RMDN3: variants seen among roughly 807,000 people sequenced by gnomAD.
RMDN3 encodes the protein regulator of microtubule dynamics protein 3.
Under a neutral mutation model 61.8 loss-of-function variants are expected in RMDN3, and 41 were observed. The observed-to-expected ratio is 0.66, with a 90% CI of 0.52 to 0.86. The LOEUF is 0.86. Among genes scored for constraint, RMDN3 ranks in the 40% least tolerant of loss-of-function variants. The pLI, the probability that RMDN3 is intolerant of heterozygous loss-of-function variation, is 0.00. For missense variants in RMDN3, 557 were observed against 585.3 expected (o/e 0.95, Z 0.50); for synonymous variants, 247 against 232.0 (o/e 1.06, Z -0.59).
In RMDN3 at chr15:40,751,986, C is replaced by A; in HGVS notation, c.380G>T (p.Arg127Leu). 1 of 1,613,102 alleles carries A rather than the reference C, an allele frequency of 6.2e-7. No homozygotes were observed. The highest frequency in any genetic ancestry group is 8.5e-7 in the Non-Finnish European group (1 of 1,179,498). The change falls in exon 3 of 13, where the codon CGA (arginine) becomes CTA (leucine). Residue 127 changes from arginine to leucine, a missense_variant and splice_region_variant. By Grantham distance (102) the Arg-to-Leu change is moderately radical. Coordinates refer to ENST00000338376, the MANE Select transcript of RMDN3 (RefSeq NM_018145.3). ...GLAGEIVGEVRCHMEENQRVA... is the reference protein window; with the variant it reads ...GLAGEIVGEVLCHMEENQRVA... ...CAGGAGAAGAAGCCGCATTACTCACCGGACCTCCCCAACAATCTCCCCCGC... is the reference window on the plus strand; with the variant it reads ...CAGGAGAAGAAGCCGCATTACTCACAGGACCTCCCCAACAATCTCCCCCGC...
At chr15:40,751,835 C>A in intron 3 of RMDN3, 151 bp downstream of exon 3, 1 of 888,452 alleles carries the variant, frequency 1.1e-6, no homozygotes, top group South Asian at 1.6e-5. Flanking sequence ...ATGTGCAAGG[C>A]GAGGTACCAA....
intron 2 of RMDN3, among the ~76,000 whole-genome samples, chr15:40,753,705 C>T (rs763612659): frequency 1.8e-4 from 27 of 152,302 alleles, no homozygotes; most frequent in Non-Finnish European, 3.2e-4. Context: ...GCTCCTAGCC[C>T]TATGCCGTAG....
intron 4 of RMDN3, among the ~76,000 whole-genome samples, 156 bp from the exon 5 acceptor site, chr15:40,745,415 T>TTC (rs1897491281): frequency 6.8e-6 from 1 of 147,544 alleles, no homozygotes; most frequent in Non-Finnish European, 1.5e-5. Flanking sequence ...TTTTTTTCTT[T>TTC]TTTTTTTTTT....
intron 5 of RMDN3, among the ~76,000 whole-genome samples, chr15:40,744,481 A>G (rs1897420366): frequency 6.7e-6 from 1 of 148,972 alleles, no homozygotes; most frequent in South Asian, 2.1e-4. Flanking sequence ...GTGAAAGGAA[A>G]AGGGAAACTT....
At chr15:40,753,533 AAAAAG>A (rs1238942659) in intron 2 of RMDN3, among the ~76,000 whole-genome samples, 4 of 149,230 alleles carry the variant, frequency 2.7e-5, no homozygotes, top group South Asian at 2.1e-4. Context: ...AAAGAAAAGA[AAAAAG>A]AAAAGAAAAG....
chr15:40,737,552 T>C, intron 10 of RMDN3, 76 bp downstream of exon 10: 5 of 1,370,270 alleles, frequency 3.6e-6, no homozygotes, highest in Non-Finnish European at 4.1e-6. Context: ...CCCCTCCCAT[T>C]AAGGGTCTCA....
At chr15:40,754,254 C>T (rs1897945244) in intron 2 of RMDN3, among the ~76,000 whole-genome samples, 1 of 151,868 alleles carries the variant, frequency 6.6e-6, no homozygotes, top group Non-Finnish European at 1.5e-5. Flanking sequence ...CCTCAGCCTC[C>T]CCAGTAGCTG....
chr15:40,751,412 G>T lies in RMDN3; in HGVS notation c.524+14C>A. ...TGGCTGTAGCCATAACTGCCTCCAA[G>T]AGAGACAACTCACCCCCCTTCACTC... On this transcript the variant is annotated intron_variant, in intron 4 of 12. Transcript: ENST00000338376. The T allele has an allele frequency of 6.2e-7, 1 of 1,613,034 alleles. No homozygotes were observed. The highest frequency in any genetic ancestry group is 8.5e-7 in the Non-Finnish European group (1 of 1,179,084).
At position 40,738,581 on chromosome 15, in the gene RMDN3, G is replaced by A. The variant is rs368334556; in HGVS notation, c.972-5C>T. 83 of 1,614,028 alleles carry A rather than the reference G, an allele frequency of 5.1e-5. No homozygotes were observed. The Middle Eastern group carries it at 1.5e-3, about 29-fold the overall frequency. ...TGACCACAAAGCACCGCATACCTAG[G>A]GGGGAAGCAGCAAGCTCAGGGACAA... On this transcript the variant is annotated splice_polypyrimidine_tract_variant and splice_region_variant and intron_variant, in intron 7 of 12. Transcript: ENST00000338376.
In RMDN3 at chr15:40,736,596, T is replaced by G. The variant is rs1321074351; in HGVS notation, c.1360-2A>C. On this transcript the variant is annotated splice_acceptor_variant, in intron 12 of 12. Transcript: ENST00000338376. LOFTEE classifies it high-confidence loss of function. ...CAGGTCCTTCTGGATAGCCAAATCC[T>G]AGGGAGACAAAGAACAAATCTAGGG... 1 of 1,613,810 alleles carries G rather than the reference T, an allele frequency of 6.2e-7. No homozygotes were observed. The highest frequency in any genetic ancestry group is 1.7e-5 in the Admixed American group (1 of 59,982).
Position 40,752,030 on chromosome 15 carries a change from T to C in RMDN3, c.336A>G (p.Arg112=), listed in dbSNP as rs998210414. The change falls in exon 3 of 13, where the codon AGA becomes AGG. Residue 112 remains arginine (R), a synonymous_variant. Coordinates refer to ENST00000338376, the MANE Select transcript of RMDN3 (RefSeq NM_018145.3). Reference sequence around the variant, plus strand: ...CCCCCGCAAGCCCTCGCAGGCTGCTTCTCAGCTCCTCCACCTCCCGCCGCA... The same window carrying C: ...CCCCCGCAAGCCCTCGCAGGCTGCTCCTCAGCTCCTCCACCTCCCGCCGCA... The part of the protein sequence containing the change: ...VALRREVEEL[R]SSLRGLAGEI... The C allele has an allele frequency of 1.2e-6, 2 of 1,614,182 alleles. No individual in the cohort carries two copies. Among genetic ancestry groups the C allele is most frequent in the East Asian group, 4.5e-5 (2 of 44,882 alleles).
rs1434410807 is a variant in RMDN3, at chr15:40,752,176, T to C, written c.190A>G (p.Met64Val). The C allele has an allele frequency of 6.2e-6, 10 of 1,612,582 alleles. No homozygotes were observed. In the Admixed American group the frequency reaches 1.7e-4, roughly 27 times the overall value. The stretch of plus-strand genomic sequence containing the variant: ...CCACCTGGGACAGCCCGCAGGAGCA[T>C]CACTGAAGGGGGAAACGAATGGGAG... ...TQTSDPGRHVMLLRAVPGGAG... is the reference protein window; with the variant it reads ...TQTSDPGRHVVLLRAVPGGAG... The change falls in exon 3 of 13, where the codon ATG becomes GTG. Residue 64 changes from methionine (M) to valine (V), a missense_variant and splice_region_variant. Coordinates refer to ENST00000338376, the MANE Select transcript of RMDN3 (RefSeq NM_018145.3).
rs1459481122 is a variant in RMDN3, at chr15:40,740,667, AAGGGAAGACTTC to A, written c.911-486_911-475del. Among the ~76,000 whole-genome samples the A allele has an allele frequency of 4.6e-5, 7 of 152,118 alleles. No individual in the cohort carries two copies. The East Asian group carries it at 1.4e-3, about 30-fold the overall frequency. On this transcript the variant is annotated intron_variant, in intron 6 of 12. Coordinates refer to ENST00000338376, the MANE Select transcript of RMDN3 (RefSeq NM_018145.3). ...TCAGAAAAGGCTGCAAACGGCTTCT[AAGGGAAGACTTC>A]AGGGATGACTTCTGCTTCACCTTGG...
intron 4 of RMDN3, among the ~76,000 whole-genome samples, chr15:40,750,135 A>C (rs549406288): frequency 6.7e-6 from 1 of 148,554 alleles, no homozygotes; most frequent in South Asian, 2.1e-4. Flanking sequence ...TGGCACAATT[A>C]TGGCTCACTG....
intron 4 of RMDN3, among the ~76,000 whole-genome samples, chr15:40,750,128 C>T (rs1336857961): frequency 6.6e-6 from 1 of 151,652 alleles, no homozygotes; most frequent in African/African-American, 2.4e-5. Flanking sequence ...AGTGCAGTGG[C>T]ACAATTATGG....
At chr15:40,745,458 A>G (rs7166733) in intron 4 of RMDN3, among the ~76,000 whole-genome samples, 199 bp from the exon 5 acceptor site, 7,461 of 144,754 alleles carry the variant, frequency 0.052, 657 homozygotes, top group African/African-American at 0.18. Flanking sequence ...TGTCACCCAG[A>G]CTGGAGTGCA....
At chr15:40,753,820 G>C (rs951610239) in intron 2 of RMDN3, among the ~76,000 whole-genome samples, 1 of 152,024 alleles carries the variant, frequency 6.6e-6, no homozygotes, top group Non-Finnish European at 1.5e-5. Context: ...TCATAGGAGG[G>C]ATAAAAAGAA....
chr15:40,742,522 C>T (rs1897323460), intron 6 of RMDN3, among the ~76,000 whole-genome samples: 1 of 152,174 alleles, frequency 6.6e-6, no homozygotes, highest in African/African-American at 2.4e-5. Context: ...AAGACATTGC[C>T]TGAGACCCCA....
chr15:40,741,620 A>ATGTTTTTTTTTTTT (rs1897282721), intron 6 of RMDN3, among the ~76,000 whole-genome samples: 1 of 71,724 alleles, frequency 1.4e-5, no homozygotes, highest in Non-Finnish European at 2.5e-5. Flanking sequence ...GCAACATAGG[A>ATGTTTTTTTTTTTT]TTTTTTTTTT....
Sources: gnomAD v4.1 joint callset for allele counts (sites outside exome capture counted in the v4.1 genomes callset) on GRCh38, gnomAD v4.1.1 for gene constraint, MANE v1.5 for transcripts, NCBI Gene and HGNC (gene_info 2026-07-23, HGNC 2026-07-21) for gene names.